Variants in NRG3 observed in about 807,000 individuals in gnomAD.
NRG3 encodes pro-neuregulin-3, membrane-bound isoform.
A neutral mutation model predicts 66.9 loss-of-function variants in NRG3; 31 were observed. The observed-to-expected ratio is 0.46, with a 90% CI of 0.35 to 0.63. The LOEUF (loss-of-function observed/expected upper bound fraction) is 0.63. Ranked by LOEUF, NRG3 falls within the 20% of genes least tolerant of loss-of-function variation. The probability of loss-of-function intolerance (pLI) is 0.00; values close to 1 mark genes in which losing one functional copy is unlikely to be tolerated. For missense variants in NRG3, 910 were observed against 878.9 expected (o/e 1.04, Z -0.45); for synonymous variants, 393 against 359.4 (o/e 1.09, Z -1.06).
chr10:82,203,260 A>C (rs7894461), intron 1 of NRG3, among the ~76,000 whole-genome samples: 83,194 of 151,910 alleles, frequency 0.55, 24,528 homozygotes, highest in Middle Eastern at 0.68. Context: ...GGATTCTAAT[A>C]AATACTCATT....
At chr10:82,519,287 C>T (rs1028918396) in intron 2 of NRG3, among the ~76,000 whole-genome samples, 1 of 152,104 alleles carries the variant, frequency 6.6e-6, no homozygotes, top group Non-Finnish European at 1.5e-5. Flanking sequence ...ATTTGAGTTA[C>T]CTTGCCATTC....
At chr10:81,918,687 A>G (rs1037537364) in intron 1 of NRG3, among the ~76,000 whole-genome samples, 1 of 152,132 alleles carries the variant, frequency 6.6e-6, no homozygotes, top group Non-Finnish European at 1.5e-5. Context: ...AAGATGCTTT[A>G]GGCAAATGAG....
At chr10:82,407,287 C>T (rs1408707609) in intron 2 of NRG3, among the ~76,000 whole-genome samples, 10 of 151,932 alleles carry the variant, frequency 6.6e-5, no homozygotes, top group Non-Finnish European at 1.5e-4. Flanking sequence ...AGGTGTTAGC[C>T]TTTCTCATCC....
intron 1 of NRG3, among the ~76,000 whole-genome samples, chr10:82,284,513 C>T (rs2079304368): frequency 1.3e-5 from 2 of 152,152 alleles, no homozygotes; most frequent in African/African-American, 4.8e-5. Flanking sequence ...GTTTATCATA[C>T]TAGGCATTCA....
At chr10:82,129,818 C>T (rs2068694302) in intron 1 of NRG3, among the ~76,000 whole-genome samples, 1 of 152,160 alleles carries the variant, frequency 6.6e-6, no homozygotes. Flanking sequence ...ACCTCTGCCT[C>T]CCAAAGTGCT....
chr10:82,553,614 T>G (rs2044468148), intron 2 of NRG3, among the ~76,000 whole-genome samples: 1 of 152,132 alleles, frequency 6.6e-6, no homozygotes, highest in South Asian at 2.1e-4. Flanking sequence ...AGAAGTGCCT[T>G]CATAGCTGAA....
intron 6 of NRG3, 115 bp from the exon 7 acceptor site, chr10:82,973,673 G>A: frequency 9.0e-7 from 1 of 1,110,050 alleles, no homozygotes; most frequent in Admixed American, 1.8e-5. Flanking sequence ...TGCTCCTCTA[G>A]TCAGGTGACC....
At chr10:82,021,089 G>A (rs966918906) in intron 1 of NRG3, among the ~76,000 whole-genome samples, 13 of 152,048 alleles carry the variant, frequency 8.5e-5, no homozygotes, top group Admixed American at 3.3e-4. Flanking sequence ...CAATGCCTTT[G>A]AAATGGCCTT....
intron 2 of NRG3, among the ~76,000 whole-genome samples, chr10:82,685,117 A>G (rs2054412243): frequency 6.6e-6 from 1 of 150,600 alleles, no homozygotes; most frequent in Admixed American, 6.6e-5. Flanking sequence ...AAGACTATGT[A>G]GATGGCCGAA....
chr10:81,892,924 T>A (rs184490857), intron 1 of NRG3, among the ~76,000 whole-genome samples: 1 of 152,314 alleles, frequency 6.6e-6, no homozygotes. Context: ...AATTATCTCA[T>A]GTAATCCATA....
At chr10:82,937,337 C>G (rs1848175025) in intron 4 of NRG3, among the ~76,000 whole-genome samples, 1 of 152,178 alleles carries the variant, frequency 6.6e-6, no homozygotes, top group African/African-American at 2.4e-5. Context: ...ATATTATGAT[C>G]ATCACCACAT....
Position 82,011,187 on chromosome 10 carries a change from A to C in NRG3, c.823+135024A>C, listed in dbSNP as rs73310516. Among the ~76,000 whole-genome samples, 134 of 152,174 alleles carry C rather than the reference A, an allele frequency of 8.8e-4. 3 individuals are homozygous for C. In the East Asian group the frequency reaches 0.023, roughly 26 times the overall value. On this transcript the variant is annotated intron_variant, in intron 1 of 8. Transcript: ENST00000372141. Reference sequence around the variant, plus strand: ...TCCACATAGCTGGGGAGGCCTCACAATCATGGTGGAATGAAAGGAGAAGCA... The same window carrying C: ...TCCACATAGCTGGGGAGGCCTCACACTCATGGTGGAATGAAAGGAGAAGCA...
chr10:81,981,919 A>G (rs1015007131), intron 1 of NRG3, among the ~76,000 whole-genome samples: 1 of 152,176 alleles, frequency 6.6e-6, no homozygotes, highest in African/African-American at 2.4e-5. Flanking sequence ...CTGCTGAGAT[A>G]AGTGATTAGA....
chr10:82,132,505 C>CTCATAT (rs1554831227), intron 1 of NRG3, among the ~76,000 whole-genome samples: 2 of 60,334 alleles, frequency 3.3e-5, no homozygotes, highest in African/African-American at 4.8e-5. Context: ...ATATATATAT[C>CTCATAT]ATATATATAT....
intron 1 of NRG3, among the ~76,000 whole-genome samples, chr10:82,198,007 T>A (rs1254955248): frequency 6.6e-6 from 1 of 152,186 alleles, no homozygotes; most frequent in Non-Finnish European, 1.5e-5. Context: ...AATCACAAAT[T>A]TGTAAAGCAA....
intron 1 of NRG3, among the ~76,000 whole-genome samples, chr10:82,135,117 C>T (rs1385963066): frequency 2.8e-5 from 4 of 141,772 alleles, no homozygotes; most frequent in African/African-American, 1.0e-4. Flanking sequence ...GTGGGACTCC[C>T]TCTCAAAAAA....
intron 1 of NRG3, among the ~76,000 whole-genome samples, chr10:82,351,147 G>C (rs930983869): frequency 6.6e-6 from 1 of 152,120 alleles, no homozygotes; most frequent in African/African-American, 2.4e-5. Flanking sequence ...GCCCGCCTCG[G>C]CCTCCCAAAG....
intron 1 of NRG3, among the ~76,000 whole-genome samples, chr10:81,921,194 T>C (rs1331613000): frequency 6.6e-6 from 1 of 152,040 alleles, no homozygotes; most frequent in Non-Finnish European, 1.5e-5. Context: ...TCTCCCACTT[T>C]GATGGGAGAA....
intron 1 of NRG3, among the ~76,000 whole-genome samples, chr10:82,170,350 A>G (rs1204218550): frequency 1.3e-5 from 2 of 152,032 alleles, no homozygotes; most frequent in Non-Finnish European, 2.9e-5. Context: ...TCTTCAGATT[A>G]GTAGTTACTT....
Sources: gnomAD v4.1 joint callset for allele counts (sites outside exome capture counted in the v4.1 genomes callset) on GRCh38, gnomAD v4.1.1 for gene constraint, MANE v1.5 for transcripts, NCBI Gene and HGNC (gene_info 2026-07-23, HGNC 2026-07-21) for gene names.